LMBR1: variants seen among roughly 807,000 people sequenced by gnomAD.
The protein encoded by LMBR1 is limb region 1 protein homolog.
In LMBR1, 52 loss-of-function variants were observed where a neutral mutation model predicts 73.9. The observed-to-expected ratio is 0.70, with a 90% CI of 0.56 to 0.89. LMBR1 has a LOEUF of 0.89. Among genes scored for constraint, LMBR1 ranks in the 40% least tolerant of loss-of-function variants. The pLI is 0.00. For synonymous variants in LMBR1, 215 were observed against 209.4 expected (o/e 1.03, Z -0.23); for missense variants, 539 against 579.8 (o/e 0.93, Z 0.72).
At chr7:156,738,604 T>C (rs1818333264) in intron 9 of LMBR1, among the ~76,000 whole-genome samples, 1 of 152,182 alleles carries the variant, frequency 6.6e-6, no homozygotes, top group Admixed American at 6.5e-5. Context: ...AAAGAGAACT[T>C]TGTCTTGCAT....
At chr7:156,786,429 C>T (rs898951814) in intron 5 of LMBR1, among the ~76,000 whole-genome samples, 3 of 152,098 alleles carry the variant, frequency 2.0e-5, no homozygotes, top group Admixed American at 6.5e-5. Flanking sequence ...GTATAAATTG[C>T]TCTAGAATAA....
chr7:156,820,797 G>A (rs2133751553), intron 4 of LMBR1, among the ~76,000 whole-genome samples: 1 of 152,334 alleles, frequency 6.6e-6, no homozygotes, highest in African/African-American at 2.4e-5. Flanking sequence ...CCCAGAAGGA[G>A]GGAAGGCTCT....
intron 1 of LMBR1, among the ~76,000 whole-genome samples, chr7:156,865,573 A>G (rs1238917948): frequency 6.6e-6 from 1 of 152,222 alleles, no homozygotes; most frequent in East Asian, 1.9e-4. Context: ...AGAAATTGAC[A>G]GGCTTATCCT....
intron 5 of LMBR1, 92 bp from the exon 6 acceptor site, chr7:156,763,887 T>G: frequency 1.0e-6 from 1 of 983,344 alleles, no homozygotes; most frequent in Non-Finnish European, 1.4e-6. Context: ...AAATAATCCC[T>G]TGGAAGGAGA....
intron 1 of LMBR1, among the ~76,000 whole-genome samples, chr7:156,858,073 A>C (rs1203476823): frequency 1.7e-5 from 2 of 121,124 alleles, no homozygotes; most frequent in Admixed American, 7.8e-5. Context: ...CAAAGTAAGC[A>C]AAAAAAAAAA....
At chr7:156,877,684 C>T (rs924339370) in intron 1 of LMBR1, among the ~76,000 whole-genome samples, 9 of 151,960 alleles carry the variant, frequency 5.9e-5, no homozygotes, top group African/African-American at 1.9e-4. Context: ...GAGATCGAGA[C>T]CATTCTGGCT....
At chr7:156,857,987 T>C (rs1162472058) in intron 1 of LMBR1, among the ~76,000 whole-genome samples, 1 of 141,512 alleles carries the variant, frequency 7.1e-6, no homozygotes, top group Non-Finnish European at 1.5e-5. Context: ...ATTGCTACAT[T>C]ACAGAAGAAG....
chr7:156,886,483 G>A (rs1169224192), intron 1 of LMBR1, among the ~76,000 whole-genome samples: 1 of 152,178 alleles, frequency 6.6e-6, no homozygotes, highest in Non-Finnish European at 1.5e-5. Context: ...GCGAAGCAGG[G>A]ACATGAAGGC....
chr7:156,714,168 G>A (rs992905330), intron 15 of LMBR1, among the ~76,000 whole-genome samples: 4 of 152,226 alleles, frequency 2.6e-5, no homozygotes, highest in African/African-American at 9.6e-5. Flanking sequence ...AATGTTGTGT[G>A]GCAGGCCATC....
chr7:156,893,168 A>C lies in LMBR1; in HGVS notation c.-175T>G, dbSNP rs1182729287. The C allele has an allele frequency of 1.1e-5, 5 of 450,410 alleles. No individual in the cohort carries two copies. The highest frequency in any genetic ancestry group is 1.8e-5 in the Non-Finnish European group (5 of 285,502). The allele number at this position is 450,410 out of a possible 1,614,324, so 27.9% of individuals were successfully genotyped here. On this transcript the variant is annotated 5_prime_UTR_variant, in exon 1 of 17. Transcript: ENST00000353442. ...CCGGCCGTCGCCTCAGCAGCCTCAG[A>C]CGAGCAGCTCTGACTAAGGGAGGGC...
intron 1 of LMBR1, among the ~76,000 whole-genome samples, chr7:156,852,564 GT>G (rs1207732721): frequency 6.6e-6 from 1 of 152,160 alleles, no homozygotes; most frequent in Non-Finnish European, 1.5e-5. Flanking sequence ...CTCACTTGGA[GT>G]TTTACGTTAT....
chr7:156,825,658 T>C (rs1235497142), intron 4 of LMBR1, among the ~76,000 whole-genome samples: 1 of 152,198 alleles, frequency 6.6e-6, no homozygotes, highest in Admixed American at 6.5e-5. Context: ...CTAAATTGAT[T>C]TGTAAAAACA....
At position 156,683,992 on chromosome 7, in the gene LMBR1, A is replaced by T; in HGVS notation, c.*86T>A. 1 of 1,119,022 alleles carries T rather than the reference A, an allele frequency of 8.9e-7. No individual in the cohort carries two copies. Among genetic ancestry groups the T allele is most frequent in the Non-Finnish European group, 1.3e-6 (1 of 746,542 alleles). 69.3% of individuals were successfully genotyped at this position (1,119,022 alleles called of 1,614,324 possible). On this transcript the variant is annotated 3_prime_UTR_variant, in exon 17 of 17. Coordinates refer to ENST00000353442, the MANE Select transcript of LMBR1 (RefSeq NM_022458.4). Reference sequence around the variant, plus strand: ...AGGTTCTGAAGAGGGGCCACGGTTGAATGGAAATGCTTCTACATGGGACAG... The same window carrying T: ...AGGTTCTGAAGAGGGGCCACGGTTGTATGGAAATGCTTCTACATGGGACAG...
intron 4 of LMBR1, among the ~76,000 whole-genome samples, chr7:156,806,740 T>C (rs1832194609): frequency 6.7e-6 from 1 of 149,984 alleles, no homozygotes; most frequent in Non-Finnish European, 1.5e-5. Context: ...GCCTCCCGAA[T>C]AGCTGGGACT....
At chr7:156,883,076 G>A (rs1319623917) in intron 1 of LMBR1, among the ~76,000 whole-genome samples, 1 of 151,024 alleles carries the variant, frequency 6.6e-6, no homozygotes. Flanking sequence ...CTCACATTAG[G>A]TATTCTTACT....
At chr7:156,809,572 G>T (rs937598213) in intron 4 of LMBR1, among the ~76,000 whole-genome samples, 5 of 152,136 alleles carry the variant, frequency 3.3e-5, no homozygotes, top group African/African-American at 1.2e-4. Context: ...GGAATAAGAA[G>T]AAAAAACTCT....
chr7:156,786,817 T>C (rs893932481), intron 5 of LMBR1, among the ~76,000 whole-genome samples: 2 of 152,224 alleles, frequency 1.3e-5, no homozygotes, highest in Non-Finnish European at 2.9e-5. Flanking sequence ...ATATATATTA[T>C]GAATCTTAAA....
chr7:156,868,594 C>T (rs1348939665), intron 1 of LMBR1, among the ~76,000 whole-genome samples: 2 of 151,634 alleles, frequency 1.3e-5, no homozygotes, highest in African/African-American at 4.8e-5. Context: ...ACCTTGGAGG[C>T]GGAGGTTGCA....
intron 15 of LMBR1, among the ~76,000 whole-genome samples, chr7:156,707,309 AAAG>A (rs137976892): frequency 1.3e-5 from 2 of 152,328 alleles, no homozygotes; most frequent in Non-Finnish European, 2.9e-5. Context: ...CCAAATGTAC[AAAG>A]AAGAACTAAT....
Sources: allele counts gnomAD v4.1 joint callset (sites outside exome capture counted in the v4.1 genomes callset), GRCh38; gene constraint gnomAD v4.1.1; transcripts MANE v1.5; gene names NCBI Gene and HGNC (gene_info 2026-07-23, HGNC 2026-07-21).